Variants in ZNF227 observed in about 807,000 individuals in gnomAD.
ZNF227 encodes the protein zinc finger protein 227.
A neutral mutation model predicts 13.2 loss-of-function variants in ZNF227; 12 were observed. The observed-to-expected ratio is 0.91, with a 90% CI of 0.58 to 1.47. ZNF227 has a LOEUF of 1.47. Ranked by LOEUF, ZNF227 falls within the 40% of genes most tolerant of loss-of-function variation. ZNF227 has a pLI of 0.00. For missense variants in ZNF227, 885 were observed against 967.5 expected (o/e 0.91, Z 1.13); for synonymous variants, 338 against 326.0 (o/e 1.04, Z -0.40).
chr19:44,226,567 C>A (rs1184344446), intron 3 of ZNF227, among the ~76,000 whole-genome samples: 2 of 152,362 alleles, frequency 1.3e-5, no homozygotes, highest in East Asian at 3.9e-4. Flanking sequence ...GGGCGTAGGA[C>A]CCTCCGAGCC....
chr19:44,232,838 T>A (rs1973986218), intron 5 of ZNF227, among the ~76,000 whole-genome samples: 1 of 152,074 alleles, frequency 6.6e-6, no homozygotes, highest in African/African-American at 2.4e-5. Flanking sequence ...AATTGTTTTT[T>A]TAGTTTTTTA....
chr19:44,223,376 T>C (rs564421927), intron 3 of ZNF227, among the ~76,000 whole-genome samples: 1 of 152,362 alleles, frequency 6.6e-6, no homozygotes, highest in South Asian at 2.1e-4. Context: ...AGAATTCTGC[T>C]GTGAATCCAT....
rs998222683 is a variant in ZNF227, at chr19:44,234,550, T to A, written c.272-152T>A. ...CGTTTACACCTGTATGAAAAACATGTCAAAAGAATACACGATGCTGTAAGG... is the reference window on the plus strand; with the variant it reads ...CGTTTACACCTGTATGAAAAACATGACAAAAGAATACACGATGCTGTAAGG... On this transcript the variant is annotated intron_variant, in intron 5 of 5. Coordinates refer to ENST00000313040, the MANE Select transcript of ZNF227 (RefSeq NM_182490.3). 2.6e-5 allele frequency: 18 copies of A among 700,226 alleles called. No individual in the cohort carries two copies. The African/African-American group carries it at 2.9e-4, about 11-fold the overall frequency. The allele number at this position is 700,226 out of a possible 1,614,324, so 43.4% of individuals were successfully genotyped here. A position where few individuals can be genotyped will look rare whatever the true frequency, so the allele number is the denominator to read the frequency against.
At chr19:44,208,102 C>G (rs1168665813), upstream of ZNF227, among the ~76,000 whole-genome samples, 1 of 152,168 alleles carries the variant, frequency 6.6e-6, no homozygotes, top group Non-Finnish European at 1.5e-5. Flanking sequence ...AGGACAACCA[C>G]TGTATAGTAT....
In ZNF227 at chr19:44,213,069, ATCT is replaced by A. The variant is rs757413910; in HGVS notation, c.-157-19_-157-17del. On this transcript the variant is annotated intron_variant, in intron 1 of 5. Coordinates refer to ENST00000313040, the MANE Select transcript of ZNF227 (RefSeq NM_182490.3). Reference sequence around the variant, plus strand: ...CCGAGCTCTTCCCGAACTTTTACAGATCTTTTTTTTTTTTAAGAAGGATTGAGT... The same window carrying A: ...CCGAGCTCTTCCCGAACTTTTACAGATTTTTTTTTTTAAGAAGGATTGAGT... 1 of 150,700 alleles carries A rather than the reference ATCT, an allele frequency of 6.6e-6. No homozygotes were observed. Among genetic ancestry groups the A allele is most frequent in the Non-Finnish European group, 1.5e-5 (1 of 67,798 alleles). The allele number at this position is 150,700 out of a possible 1,614,324, so 9.3% of individuals were successfully genotyped here.
upstream of ZNF227, among the ~76,000 whole-genome samples, chr19:44,211,583 G>A (rs1020477397): frequency 6.6e-6 from 1 of 152,152 alleles, no homozygotes; most frequent in African/African-American, 2.4e-5. Flanking sequence ...TAGTTGCTTT[G>A]TGGAGTTGAT....
At chr19:44,228,358 T>C (rs2122853583) in intron 3 of ZNF227, 88 bp from the exon 4 acceptor site, 1 of 1,484,594 alleles carries the variant, frequency 6.7e-7, no homozygotes, top group South Asian at 1.3e-5. Context: ...TAACAACTTT[T>C]TTGTGGTGCT....
Position 44,217,821 on chromosome 19 carries a change from A to G in ZNF227, c.29A>G (p.Gln10Arg). The G allele has an allele frequency of 6.2e-7, 1 of 1,614,244 alleles. No individual in the cohort carries two copies. The highest frequency in any genetic ancestry group is 8.5e-7 in the Non-Finnish European group (1 of 1,180,046). The change falls in exon 3 of 6, where the codon CAG becomes CGG. Residue 10 changes from glutamine to arginine, a missense_variant. By Grantham distance (43) the Gln-to-Arg change is conservative. Coordinates refer to ENST00000313040, the MANE Select transcript of ZNF227 (RefSeq NM_182490.3). ...CCATCTCAGAACTATGACCTTCCCC[A>G]GAAGAAGCAGGAGAAAATGACCAAG... MPSQNYDLP[Q>R]KKQEKMTKFQ...
At chr19:44,216,958 GTTTTT>G (rs35474532) in intron 2 of ZNF227, among the ~76,000 whole-genome samples, 6 of 91,646 alleles carry the variant, frequency 6.5e-5, no homozygotes, top group Non-Finnish European at 1.2e-4. Flanking sequence ...TCATCTGCTT[GTTTTT>G]TTTTTTTTTT....
upstream of ZNF227, among the ~76,000 whole-genome samples, chr19:44,212,368 T>A (rs1971419535): frequency 8.2e-6 from 1 of 122,592 alleles, no homozygotes; most frequent in Admixed American, 9.5e-5. Flanking sequence ...CTCGCTCCGT[T>A]TTTTTTTTTG....
chr19:44,225,640 G>C (rs972521271), intron 3 of ZNF227, among the ~76,000 whole-genome samples: 1 of 152,036 alleles, frequency 6.6e-6, no homozygotes, highest in Non-Finnish European at 1.5e-5. Context: ...GCACTTCTCT[G>C]TATTGGTTAT....
At chr19:44,226,855 G>A (rs566605992) in intron 3 of ZNF227, among the ~76,000 whole-genome samples, 67 of 152,210 alleles carry the variant, frequency 4.4e-4, no homozygotes, top group African/African-American at 1.3e-3. Flanking sequence ...GAAATCACCC[G>A]TCTTCTGCAT....
chr19:44,208,392 G>A (rs1375237078), upstream of ZNF227, among the ~76,000 whole-genome samples: 1 of 152,144 alleles, frequency 6.6e-6, no homozygotes, highest in African/African-American at 2.4e-5. Context: ...AGTTTAAAGA[G>A]AGGCACCTTG....
upstream of ZNF227, among the ~76,000 whole-genome samples, chr19:44,209,509 A>G (rs1259274558): frequency 6.6e-6 from 1 of 152,216 alleles, no homozygotes; most frequent in African/African-American, 2.4e-5. Context: ...GAGATTTGGA[A>G]AGGAATAGTT....
At position 44,235,641 on chromosome 19, in the gene ZNF227, G is replaced by A. The variant is rs1974378326; in HGVS notation, c.1211G>A (p.Gly404Asp). Reference protein sequence around the residue: ...NLRVHQRVHRGEKPYKCEECG... With the variant: ...NLRVHQRVHRDEKPYKCEECG... ...CGTGTTCACCAGAGGGTCCACAGGG[G>A]TGAGAAGCCCTATAAATGTGAGGAA... Residue 404 changes from glycine to aspartate, a missense_variant, in exon 6 of 6, where the codon GGT becomes GAT. Gly to Asp is a moderately conservative substitution (Grantham distance 94). Coordinates refer to ENST00000313040, the MANE Select transcript of ZNF227 (RefSeq NM_182490.3). 2 of 1,614,010 alleles carry A rather than the reference G, an allele frequency of 1.2e-6. No homozygotes were observed. The highest frequency in any genetic ancestry group is 2.7e-5 in the African/African-American group (2 of 74,878).
Position 44,236,238 on chromosome 19 carries a change from C to G in ZNF227, c.1808C>G (p.Pro603Arg). 2 of 1,613,982 alleles carry G rather than the reference C, an allele frequency of 1.2e-6. No homozygotes were observed. The highest frequency in any genetic ancestry group is 1.7e-6 in the Non-Finnish European group (2 of 1,180,018). Reference protein sequence around the residue: ...AHQRVHSGEKPYKCEQCDKSF... With the variant: ...AHQRVHSGEKRYKCEQCDKSF... ...CAAAGAGTTCACTCAGGAGAAAAAC[C>G]CTATAAATGTGAGCAGTGTGATAAG... The change falls in exon 6 of 6, where the codon CCC becomes CGC. Residue 603 changes from proline to arginine, a missense_variant. Transcript: ENST00000313040.
At chr19:44,210,549 T>A (rs1001447598), upstream of ZNF227, among the ~76,000 whole-genome samples, 1 of 152,180 alleles carries the variant, frequency 6.6e-6, no homozygotes, top group African/African-American at 2.4e-5. Flanking sequence ...GTAAGTCTTA[T>A]TAGAGCAGGG....
chr19:44,219,617 A>C (rs1402203110), intron 3 of ZNF227, among the ~76,000 whole-genome samples: 1 of 152,090 alleles, frequency 6.6e-6, no homozygotes, highest in Non-Finnish European at 1.5e-5. Flanking sequence ...TTTTTTAGAA[A>C]AAGGAACTGA....
intron 5 of ZNF227, among the ~76,000 whole-genome samples, chr19:44,232,407 T>G (rs922074474): frequency 6.6e-6 from 1 of 152,186 alleles, no homozygotes; most frequent in African/African-American, 2.4e-5. Context: ...TCTGACCAAG[T>G]AGCTACAAAT....
Sources: allele counts gnomAD v4.1 joint callset (sites outside exome capture counted in the v4.1 genomes callset), GRCh38; gene constraint gnomAD v4.1.1; transcripts MANE v1.5; gene names NCBI Gene and HGNC (gene_info 2026-07-23, HGNC 2026-07-21).